The following PPARGC1A variants were observed in gnomAD, a reference collection of about 807,000 sequenced individuals.
PPARGC1A encodes peroxisome proliferator-activated receptor gamma coactivator 1-alpha.
PPARGC1A carries 25 observed loss-of-function variants against 88.7 expected under a neutral mutation model. The ratio of observed to expected loss-of-function variants is 0.28; its 90% CI spans 0.21 to 0.39. The LOEUF (loss-of-function observed/expected upper bound fraction) is 0.39, where lower values mean the gene tolerates loss of function less well. Among genes scored for constraint, PPARGC1A ranks in the 10% least tolerant of loss-of-function variants. PPARGC1A has a pLI of 1.00. For missense variants in PPARGC1A, 880 were observed against 968.7 expected (o/e 0.91, Z 1.22); for synonymous variants, 363 against 355.6 (o/e 1.02, Z -0.24).
the PPARGC1A span, among the ~76,000 whole-genome samples, chr4:23,941,861 T>C: frequency 6.6e-6 from 1 of 152,186 alleles, no homozygotes; most frequent in Non-Finnish European, 1.5e-5. Flanking sequence ...TCCTAAAGAA[T>C]GACTATAATA....
At chr4:24,335,925 A>C in the PPARGC1A span, among the ~76,000 whole-genome samples, 1 of 152,194 alleles carries the variant, frequency 6.6e-6, no homozygotes, top group Admixed American at 6.5e-5. Context: ...GCACCTACTG[A>C]TTTATTATTC....
At chr4:24,119,687 C>T in the PPARGC1A span, among the ~76,000 whole-genome samples, 1 of 152,042 alleles carries the variant, frequency 6.6e-6, no homozygotes, top group African/African-American at 2.4e-5. Context: ...GTGCTGCATG[C>T]TTTAATAGGA....
At chr4:24,325,357 A>T in the PPARGC1A span, among the ~76,000 whole-genome samples, 1 of 151,888 alleles carries the variant, frequency 6.6e-6, no homozygotes, top group Non-Finnish European at 1.5e-5. Flanking sequence ...TAATAGAAAA[A>T]AGTTGCAATT....
intron 2 of PPARGC1A, among the ~76,000 whole-genome samples, chr4:23,841,297 T>G (rs544638706): frequency 6.6e-6 from 1 of 152,246 alleles, no homozygotes; most frequent in South Asian, 2.1e-4. Flanking sequence ...GGTGACCTTC[T>G]TCATTCCATA....
chr4:24,108,304 A>G, the PPARGC1A span, among the ~76,000 whole-genome samples: 91 of 152,288 alleles, frequency 6.0e-4, 4 homozygotes, highest in South Asian at 0.018. Flanking sequence ...TTCCTTATGT[A>G]CAAGTGTTCC....
the PPARGC1A span, among the ~76,000 whole-genome samples, chr4:23,910,394 TTATA>T: frequency 8.9e-6 from 1 of 112,190 alleles, no homozygotes; most frequent in Non-Finnish European, 1.7e-5. Flanking sequence ...ATTATATATA[TTATA>T]TATATATTAA....
intron 2 of PPARGC1A, among the ~76,000 whole-genome samples, chr4:23,868,703 G>A (rs1326327625): frequency 2.0e-5 from 3 of 152,206 alleles, no homozygotes; most frequent in South Asian, 2.1e-4. Flanking sequence ...GCCAAAGACG[G>A]CCACAAATAC....
chr4:24,326,790 C>G, the PPARGC1A span, among the ~76,000 whole-genome samples: 1 of 152,188 alleles, frequency 6.6e-6, no homozygotes, highest in East Asian at 1.9e-4. Flanking sequence ...GGACCGCACC[C>G]TGTAGCCTTT....
the PPARGC1A span, among the ~76,000 whole-genome samples, chr4:24,082,717 A>G: frequency 1.1e-4 from 17 of 152,078 alleles, no homozygotes; most frequent in Non-Finnish European, 1.9e-4. Flanking sequence ...TCTTCCCTCC[A>G]CATCTCAAAT....
the PPARGC1A span, among the ~76,000 whole-genome samples, chr4:24,036,833 G>A: frequency 1.3e-5 from 2 of 152,164 alleles, no homozygotes; most frequent in South Asian, 2.1e-4. Flanking sequence ...TAAGATTAAT[G>A]TACTTTATAC....
At position 23,831,557 on chromosome 4, in the gene PPARGC1A, T is replaced by G; in HGVS notation, c.429A>C (p.Leu143=). The G allele has an allele frequency of 6.2e-7, 1 of 1,613,358 alleles. No homozygotes were observed. ...PPPQEAEEPS[L]LKKLLLAPAN... The stretch of plus-strand genomic sequence containing the variant: ...GCTAAACAGTAGGAAGGGTTCTTAC[T>G]AGAGACGGCTCTTCTGCCTCCTGGG... Residue 143 remains leucine, a splice_region_variant and synonymous_variant, in exon 3 of 13, where the codon CTA becomes CTC. Transcript: ENST00000264867.
chr4:24,009,150 A>AAAAAAAAAAAAAAAG, the PPARGC1A span, among the ~76,000 whole-genome samples: 155 of 79,804 alleles, frequency 1.9e-3, 9 homozygotes, highest in African/African-American at 8.7e-3. Context: ...AAAAAAAAAA[A>AAAAAAAAAAAAAAAG]AGAGAGAGAA....
At chr4:24,450,167 T>C in the PPARGC1A span, among the ~76,000 whole-genome samples, 1 of 152,236 alleles carries the variant, frequency 6.6e-6, no homozygotes, top group Non-Finnish European at 1.5e-5. Flanking sequence ...GACATTATCG[T>C]TCCCCAAAAA....
chr4:24,462,961 C>T, the PPARGC1A span, among the ~76,000 whole-genome samples: 2 of 151,974 alleles, frequency 1.3e-5, no homozygotes, highest in East Asian at 3.9e-4. Flanking sequence ...CTGCACTGCA[C>T]AAGCACATAC....
At chr4:23,862,719 G>C in intron 2 of PPARGC1A, among the ~76,000 whole-genome samples, 1 of 152,164 alleles carries the variant, frequency 6.6e-6, no homozygotes, top group Non-Finnish European at 1.5e-5. Context: ...AGCTACTGTA[G>C]TATTATTATT....
the PPARGC1A span, among the ~76,000 whole-genome samples, chr4:24,127,262 G>A: frequency 0.27 from 41,623 of 151,654 alleles, 6,405 homozygotes; most frequent in Non-Finnish European, 0.34. Context: ...AGCTGCCAAG[G>A]CCAGAGTATT....
chr4:23,812,726 A>C (rs199865623), intron 10 of PPARGC1A, 21 bp downstream of exon 10: 1 of 1,612,510 alleles, frequency 6.2e-7, no homozygotes, highest in African/African-American at 1.3e-5. Context: ...TTAAAATAAA[A>C]GTGAGCTCCA....
the PPARGC1A span, among the ~76,000 whole-genome samples, chr4:24,451,712 G>A: frequency 3.9e-5 from 6 of 152,026 alleles, no homozygotes; most frequent in African/African-American, 1.4e-4. Flanking sequence ...CGAGTAGCTG[G>A]GATTACAGGC....
At chr4:24,100,671 A>G in the PPARGC1A span, among the ~76,000 whole-genome samples, 1 of 152,210 alleles carries the variant, frequency 6.6e-6, no homozygotes, top group Non-Finnish European at 1.5e-5. Context: ...TAAATGAGTG[A>G]TGAATAATCT....
Sources: gnomAD v4.1 joint callset for allele counts (sites outside exome capture counted in the v4.1 genomes callset) on GRCh38, gnomAD v4.1.1 for gene constraint, MANE v1.5 for transcripts, NCBI Gene and HGNC (gene_info 2026-07-23, HGNC 2026-07-21) for gene names.